The following SHANK2 variants were observed in gnomAD, a reference collection of about 807,000 sequenced individuals.
SHANK2 encodes SH3 and multiple ankyrin repeat domains 2, also known as SH3 and multiple ankyrin repeat domains protein 2.
SHANK2 carries 43 observed loss-of-function variants against 133.7 expected under a neutral mutation model. The ratio of observed to expected loss-of-function variants is 0.32; its 90% confidence interval spans 0.25 to 0.41. The LOEUF is 0.41. SHANK2 is among the 10% of genes least tolerant of loss of function. The pLI is 1.00. For missense variants in SHANK2, 1,994 were observed against 2,235.8 expected (o/e 0.89, Z 2.18); for synonymous variants, 1,017 against 952.8 (o/e 1.07, Z -1.24).
At chr11:71,064,202 G>T (rs1951019104) in intron 9 of SHANK2, among the ~76,000 whole-genome samples, 1 of 152,230 alleles carries the variant, frequency 6.6e-6, no homozygotes. Context: ...GAAAGTCAAG[G>T]TCTCTGCCAG....
At chr11:70,851,181 C>A (rs1465056861) in intron 11 of SHANK2, among the ~76,000 whole-genome samples, 1 of 82,332 alleles carries the variant, frequency 1.2e-5, no homozygotes, top group Non-Finnish European at 2.7e-5. Context: ...CAGAGCCTTG[C>A]AGAACAAGAA....
intron 1 of SHANK2, among the ~76,000 whole-genome samples, chr11:71,248,101 G>A (rs1954986391): frequency 6.6e-6 from 1 of 152,246 alleles, no homozygotes; most frequent in Admixed American, 6.5e-5. Flanking sequence ...GGCAGGCTCT[G>A]GGTAGTGGGC....
intron 14 of SHANK2, among the ~76,000 whole-genome samples, chr11:70,791,096 G>A (rs1947777199): frequency 6.6e-6 from 1 of 152,224 alleles, no homozygotes; most frequent in Non-Finnish European, 1.5e-5. Context: ...CTGAAGTTGT[G>A]GGTTCACTTG....
At chr11:70,898,284 A>G (rs868939173) in intron 10 of SHANK2, among the ~76,000 whole-genome samples, 15 of 135,568 alleles carry the variant, frequency 1.1e-4, no homozygotes, top group African/African-American at 5.0e-4. Flanking sequence ...ACACACACGC[A>G]CACACACACA....
chr11:71,216,015 G>A (rs540218509), intron 2 of SHANK2, among the ~76,000 whole-genome samples: 15 of 144,860 alleles, frequency 1.0e-4, no homozygotes, highest in South Asian at 4.7e-4. Flanking sequence ...GCCCTCATCC[G>A]ACGCTGGAGA....
chr11:70,833,464 C>G (rs149787204), intron 11 of SHANK2, among the ~76,000 whole-genome samples: 1 of 152,220 alleles, frequency 6.6e-6, no homozygotes, highest in Non-Finnish European at 1.5e-5. Flanking sequence ...GCTGGGCATG[C>G]GACATCTCTC....
At chr11:71,190,712 G>A (rs1048224421) in intron 2 of SHANK2, among the ~76,000 whole-genome samples, 3 of 152,290 alleles carry the variant, frequency 2.0e-5, no homozygotes, top group Non-Finnish European at 2.9e-5. Flanking sequence ...AGGGCTGCAC[G>A]CAGGCGTTGA....
chr11:71,105,893 G>A (rs1386482254), intron 6 of SHANK2, among the ~76,000 whole-genome samples: 1 of 152,178 alleles, frequency 6.6e-6, no homozygotes, highest in African/African-American at 2.4e-5. Flanking sequence ...CTGGACTTGA[G>A]GATCACTGTT....
At chr11:70,785,302 A>G (rs1436098373) in intron 14 of SHANK2, among the ~76,000 whole-genome samples, 1 of 152,146 alleles carries the variant, frequency 6.6e-6, no homozygotes, top group African/African-American at 2.4e-5. Context: ...GTTTGCTGCT[A>G]AAAGTGTTGG....
intron 10 of SHANK2, among the ~76,000 whole-genome samples, chr11:70,949,306 C>T (rs1555086024): frequency 6.6e-6 from 1 of 152,178 alleles, no homozygotes; most frequent in South Asian, 2.1e-4. Flanking sequence ...GGCGAAGAAC[C>T]CTGTGCACAG....
intron 17 of SHANK2, among the ~76,000 whole-genome samples, chr11:70,600,890 T>C (rs2060486339): frequency 6.6e-6 from 1 of 152,208 alleles, no homozygotes; most frequent in African/African-American, 2.4e-5. Flanking sequence ...TGGGAGAAGA[T>C]AATTTCTTAA....
At chr11:70,497,840 T>G (rs1274871717) in intron 21 of SHANK2, among the ~76,000 whole-genome samples, 4 of 152,248 alleles carry the variant, frequency 2.6e-5, no homozygotes, top group African/African-American at 9.6e-5. Flanking sequence ...AGGCACCTGG[T>G]GGCTGAGTCT....
At chr11:70,713,416 G>A (rs781984741) in intron 14 of SHANK2, among the ~76,000 whole-genome samples, 1 of 152,242 alleles carries the variant, frequency 6.6e-6, no homozygotes, top group East Asian at 1.9e-4. Flanking sequence ...TTTTTGCCAA[G>A]CGTAGCTGTG....
chr11:71,212,785 AGG>A (rs1311254815), intron 2 of SHANK2, among the ~76,000 whole-genome samples: 1 of 152,222 alleles, frequency 6.6e-6, no homozygotes, highest in Non-Finnish European at 1.5e-5. Flanking sequence ...TCTTGCCACC[AGG>A]AATCCCTGCT....
rs782030251 is a variant in SHANK2 at position 71,092,560 on chromosome 11, A to C, written c.774T>G (p.Asp258Glu). ...KTLLELGASP[D>E]YKDSYGLTPL... ...GGGTGAGGCCGTAACTGTCTTTATAATCTGGGGATGCACCAAGCTCTAAAA... is the reference window on the plus strand; with the variant it reads ...GGGTGAGGCCGTAACTGTCTTTATACTCTGGGGATGCACCAAGCTCTAAAA... Residue 258 changes from aspartate to glutamate, a missense_variant, in exon 8 of 26, where the codon GAT becomes GAG. Physicochemically the swap from Asp to Glu is conservative, Grantham distance 45 (BLOSUM62 2). Around this residue, in one of 5 missense-constraint regions of SHANK2, gnomAD observed 653 missense variants for 563.4 expected, o/e 1.16. Transcript: ENST00000601538. The C allele has an allele frequency of 7.5e-5, 117 of 1,551,850 alleles. No individual in the cohort carries two copies. The highest frequency in any genetic ancestry group is 9.9e-5 in the Non-Finnish European group (113 of 1,147,074).
At chr11:71,159,786 C>T (rs1952975116) in intron 2 of SHANK2, among the ~76,000 whole-genome samples, 1 of 151,990 alleles carries the variant, frequency 6.6e-6, no homozygotes, top group African/African-American at 2.4e-5. Context: ...GAGTTCGAGA[C>T]CAGCCTGGCC....
chr11:71,080,751 G>A (rs963093539), intron 8 of SHANK2, among the ~76,000 whole-genome samples: 21 of 152,154 alleles, frequency 1.4e-4, no homozygotes, highest in Non-Finnish European at 2.5e-4. Context: ...ACAACGTCTC[G>A]TCCAAACACA....
chr11:70,791,427 T>C (rs925863218), intron 14 of SHANK2, among the ~76,000 whole-genome samples: 2 of 152,368 alleles, frequency 1.3e-5, no homozygotes, highest in Admixed American at 1.3e-4. Flanking sequence ...TATGTGGCAC[T>C]TAGCTCTCAG....
chr11:70,582,843 G>A (rs1554985806), intron 17 of SHANK2, among the ~76,000 whole-genome samples: 2 of 152,234 alleles, frequency 1.3e-5, no homozygotes, highest in East Asian at 3.9e-4. Flanking sequence ...CTGGTGATCT[G>A]AGTCAGTCAG....
Sources: allele counts gnomAD v4.1 joint callset (sites outside exome capture counted in the v4.1 genomes callset), GRCh38; gene constraint gnomAD v4.1.1; regional missense constraint gnomAD v4.1.1; transcripts MANE v1.5; gene names NCBI Gene and HGNC (gene_info 2026-07-23, HGNC 2026-07-21).